The following CSMD1 variants were observed in gnomAD, a reference collection of about 807,000 sequenced individuals.
CSMD1 encodes the protein CUB and Sushi multiple domains 1, also known as CUB and sushi domain-containing protein 1.
A neutral mutation model predicts 417.5 loss-of-function variants in CSMD1; 213 were observed. The observed-to-expected ratio is 0.51, with a 90% confidence interval of 0.46 to 0.57. The LOEUF (loss-of-function observed/expected upper bound fraction) is 0.57. Among genes scored for constraint, CSMD1 ranks in the 20% least tolerant of loss-of-function variants. The pLI is 0.00. For synonymous variants in CSMD1, 2,862 were observed against 1,736.8 expected (o/e 1.65, Z -16.11); for missense variants, 6,923 against 4,529.7 (o/e 1.53, Z -15.17).
At chr8:3,281,295 A>G (rs956687010) in intron 26 of CSMD1, among the ~76,000 whole-genome samples, 1 of 152,056 alleles carries the variant, frequency 6.6e-6, no homozygotes, top group Non-Finnish European at 1.5e-5. Flanking sequence ...ATACAAAAAA[A>G]TAGCCAGGTG....
In CSMD1 at chr8:4,867,439, T is replaced by C. The variant is rs1385693196; in HGVS notation, c.85+126893A>G. ...AAATACACCCCTGTAAATAAAGACA[T>C]TCCAATAAAGTATAATTATTTATAG... On this transcript the variant is annotated intron_variant, in intron 1 of 69. Transcript: ENST00000635120. 3.3e-5 allele frequency among the ~76,000 whole-genome samples: 5 copies of C among 152,106 alleles called. 1 individual carries two copies. The highest frequency in any genetic ancestry group is 1.2e-4 in the African/African-American group (5 of 41,362).
chr8:3,419,935 T>G (rs1017609650), intron 12 of CSMD1, among the ~76,000 whole-genome samples: 1 of 152,162 alleles, frequency 6.6e-6, no homozygotes, highest in African/African-American at 2.4e-5. Context: ...TCTGTGTGAC[T>G]TCCTGTGAGT....
At chr8:4,025,538 T>C (rs899346990) in intron 4 of CSMD1, among the ~76,000 whole-genome samples, 1 of 152,230 alleles carries the variant, frequency 6.6e-6, no homozygotes, top group Non-Finnish European at 1.5e-5. Context: ...GCTTCTTCTC[T>C]TTTTTCATAT....
chr8:3,898,378 G>A (rs1383874209), intron 5 of CSMD1, among the ~76,000 whole-genome samples: 7 of 152,130 alleles, frequency 4.6e-5, no homozygotes, highest in African/African-American at 1.4e-4. Context: ...GATCTGTTAT[G>A]GGGAGAAAGA....
intron 3 of CSMD1, among the ~76,000 whole-genome samples, chr8:4,149,402 G>T (rs149582102): frequency 2.0e-5 from 3 of 152,154 alleles, no homozygotes; most frequent in Non-Finnish European, 2.9e-5. Flanking sequence ...GGTGGTAACT[G>T]CCATAGCTCT....
chr8:3,881,125 T>TA (rs1457289456), intron 5 of CSMD1, among the ~76,000 whole-genome samples: 2 of 152,140 alleles, frequency 1.3e-5, no homozygotes, highest in Non-Finnish European at 2.9e-5. Context: ...TAAGAAGATC[T>TA]AAAAAATGCA....
At chr8:3,450,452 C>T (rs1043869935) in intron 12 of CSMD1, among the ~76,000 whole-genome samples, 9 of 147,302 alleles carry the variant, frequency 6.1e-5, no homozygotes, top group African/African-American at 2.3e-4. Flanking sequence ...CTAAAGCTAT[C>T]CCTCCCCCCT....
At chr8:3,343,869 T>C (rs1009601235) in intron 22 of CSMD1, among the ~76,000 whole-genome samples, 1 of 152,180 alleles carries the variant, frequency 6.6e-6, no homozygotes, top group African/African-American at 2.4e-5. Flanking sequence ...TCAAAGAACA[T>C]ACCCTTCCTT....
At chr8:4,819,043 A>C (rs188326997) in intron 1 of CSMD1, among the ~76,000 whole-genome samples, 1 of 152,274 alleles carries the variant, frequency 6.6e-6, no homozygotes, top group South Asian at 2.1e-4. Flanking sequence ...GGCTTGGAAG[A>C]CACAGAATAC....
intron 7 of CSMD1, among the ~76,000 whole-genome samples, chr8:3,632,737 T>C (rs28578657): frequency 9.2e-5 from 14 of 152,064 alleles, no homozygotes; most frequent in African/African-American, 3.4e-4. Flanking sequence ...ACCACACCAA[T>C]GTCCTTGCCA....
intron 10 of CSMD1, among the ~76,000 whole-genome samples, chr8:3,507,345 T>G (rs1435111705): frequency 1.3e-5 from 2 of 152,252 alleles, no homozygotes; most frequent in African/African-American, 4.8e-5. Context: ...CATCATTTTT[T>G]ATGGCAGCAC....
chr8:4,794,136 C>A (rs544347161), intron 1 of CSMD1, among the ~76,000 whole-genome samples: 12 of 152,232 alleles, frequency 7.9e-5, no homozygotes, highest in African/African-American at 2.9e-4. Flanking sequence ...ATGCTTTATT[C>A]TCTAATAGAC....
Position 4,422,089 on chromosome 8 carries a change from C to G in CSMD1, c.303-2024G>C, listed in dbSNP as rs1442877699. On this transcript the variant is annotated intron_variant, in intron 2 of 69. Coordinates refer to ENST00000635120, the MANE Select transcript of CSMD1 (RefSeq NM_033225.6). Reference sequence around the variant, plus strand: ...CAAACAAATGAACTATTACAACTAACCAATGAAAAAATACATAATATGAAT... The same window carrying G: ...CAAACAAATGAACTATTACAACTAAGCAATGAAAAAATACATAATATGAAT... Among the ~76,000 whole-genome samples, 3 of 152,166 alleles carry G rather than the reference C, an allele frequency of 2.0e-5. No individual in the cohort carries two copies. In the East Asian group the frequency reaches 5.8e-4, roughly 30 times the overall value.
chr8:3,257,422 T>G (rs1056419980), intron 26 of CSMD1, among the ~76,000 whole-genome samples: 2 of 152,232 alleles, frequency 1.3e-5, no homozygotes, highest in Non-Finnish European at 2.9e-5. Flanking sequence ...TTGTGGAGGT[T>G]AGATTCTCAA....
intron 5 of CSMD1, among the ~76,000 whole-genome samples, chr8:3,954,444 G>C (rs970802808): frequency 6.6e-6 from 1 of 152,126 alleles, no homozygotes; most frequent in Non-Finnish European, 1.5e-5. Flanking sequence ...TCAGCTCACT[G>C]CAACCTCCTC....
intron 5 of CSMD1, among the ~76,000 whole-genome samples, chr8:3,763,240 C>T (rs2129056588): frequency 6.6e-6 from 1 of 152,214 alleles, no homozygotes; most frequent in East Asian, 1.9e-4. Flanking sequence ...GTTATGATGC[C>T]AGCTAGGGTG....
chr8:3,945,297 A>G (rs1259705750), intron 5 of CSMD1, among the ~76,000 whole-genome samples: 1 of 152,072 alleles, frequency 6.6e-6, no homozygotes, highest in Non-Finnish European at 1.5e-5. Context: ...AATAATCACT[A>G]GTTTAATAAG....
chr8:3,994,971 G>A (rs1815088537), intron 5 of CSMD1, among the ~76,000 whole-genome samples: 1 of 152,044 alleles, frequency 6.6e-6, no homozygotes, highest in Non-Finnish European at 1.5e-5. Context: ...CCACCCTCCT[G>A]GCTCTGTGGA....
intron 2 of CSMD1, among the ~76,000 whole-genome samples, chr8:4,596,894 A>T (rs1800309438): frequency 6.6e-6 from 1 of 152,180 alleles, no homozygotes; most frequent in South Asian, 2.1e-4. Context: ...ATAGCGAATA[A>T]GTCTCACAAG....
Sources: allele counts gnomAD v4.1 joint callset (sites outside exome capture counted in the v4.1 genomes callset), GRCh38; gene constraint gnomAD v4.1.1; transcripts MANE v1.5; gene names NCBI Gene and HGNC (gene_info 2026-07-23, HGNC 2026-07-21).